OPCML: variants seen among roughly 807,000 people sequenced by gnomAD.
OPCML encodes opioid-binding protein/cell adhesion molecule.
In OPCML, 13 loss-of-function variants were observed where a neutral mutation model predicts 37.8. The ratio of observed to expected loss-of-function variants is 0.34; its 90% confidence interval spans 0.22 to 0.55. OPCML has a LOEUF of 0.55. Among genes scored for constraint, OPCML ranks in the 20% least tolerant of loss-of-function variants. OPCML has a pLI of 0.91. For synonymous variants in OPCML, 176 were observed against 168.8 expected (o/e 1.04, Z -0.33); for missense variants, 341 against 435.6 (o/e 0.78, Z 1.93).
At chr11:132,435,177 G>C (rs1435916224) in intron 7 of OPCML, 1 of 1,289,612 alleles carries the variant, frequency 7.8e-7, no homozygotes, top group South Asian at 1.2e-5. Context: ...GCTGATGAGG[G>C]GCTTATTTCT....
chr11:132,476,286 T>A lies in OPCML; in HGVS notation c.506-38927A>T, dbSNP rs1026710541. Among the ~76,000 whole-genome samples, 3 of 152,096 alleles carry A rather than the reference T, an allele frequency of 2.0e-5. No homozygotes were observed. In the East Asian group the frequency reaches 5.8e-4, roughly 29 times the overall value. On this transcript the variant is annotated intron_variant, in intron 4 of 7. Transcript: ENST00000524381. Reference sequence around the variant, plus strand: ...CCACTGTGGAAGTCAGTGTGGCGATTCCTCAGGGATCTAGAACTAGAAATA... The same window carrying A: ...CCACTGTGGAAGTCAGTGTGGCGATACCTCAGGGATCTAGAACTAGAAATA...
chr11:133,148,150 T>A (rs1421993508), intron 1 of OPCML, among the ~76,000 whole-genome samples: 1 of 152,048 alleles, frequency 6.6e-6, no homozygotes. Flanking sequence ...AATCCAGAGG[T>A]CTCATTTCCC....
intron 2 of OPCML, among the ~76,000 whole-genome samples, chr11:132,790,090 GA>G (rs1381667002): frequency 6.6e-6 from 1 of 152,156 alleles, no homozygotes; most frequent in Admixed American, 6.6e-5. Flanking sequence ...CCCATTACTG[GA>G]TATTTATCCA....
chr11:132,681,947 T>C (rs1156874976), intron 2 of OPCML, among the ~76,000 whole-genome samples: 1 of 149,182 alleles, frequency 6.7e-6, no homozygotes, highest in Admixed American at 6.7e-5. Flanking sequence ...AGAGAGAGAT[T>C]CCGTCTCAAA....
At chr11:133,315,896 T>C (rs1338860507) in intron 1 of OPCML, among the ~76,000 whole-genome samples, 2 of 152,182 alleles carry the variant, frequency 1.3e-5, no homozygotes, top group Non-Finnish European at 2.9e-5. Flanking sequence ...ATTCGACAAA[T>C]GTTGTGAGTT....
intron 1 of OPCML, among the ~76,000 whole-genome samples, chr11:133,073,088 A>G (rs1462745796): frequency 1.3e-5 from 2 of 152,220 alleles, no homozygotes; most frequent in African/African-American, 4.8e-5. Flanking sequence ...CTGAGGAACC[A>G]GGTACGATAC....
chr11:132,449,120 T>C (rs1208206297), intron 4 of OPCML, among the ~76,000 whole-genome samples: 1 of 152,154 alleles, frequency 6.6e-6, no homozygotes, highest in Admixed American at 6.5e-5. Flanking sequence ...TTATTTGAGG[T>C]CTTGACAGTC....
At chr11:133,449,514 A>G (rs905719592) in intron 1 of OPCML, among the ~76,000 whole-genome samples, 6 of 152,218 alleles carry the variant, frequency 3.9e-5, no homozygotes, top group Admixed American at 6.5e-5. Flanking sequence ...TAGGACAAAC[A>G]TTTGTTCCCT....
At chr11:133,209,579 A>G (rs914465047) in intron 1 of OPCML, among the ~76,000 whole-genome samples, 2 of 152,172 alleles carry the variant, frequency 1.3e-5, no homozygotes, top group Non-Finnish European at 2.9e-5. Flanking sequence ...TTGACTTTGG[A>G]TATGTCTGCT....
At chr11:132,694,338 A>G (rs757038659) in intron 2 of OPCML, among the ~76,000 whole-genome samples, 1 of 151,768 alleles carries the variant, frequency 6.6e-6, no homozygotes, top group Non-Finnish European at 1.5e-5. Context: ...AGCTGGGACT[A>G]CTGGTGCGTG....
chr11:133,104,778 C>T (rs765454910), intron 1 of OPCML, among the ~76,000 whole-genome samples: 5 of 152,140 alleles, frequency 3.3e-5, no homozygotes, highest in Non-Finnish European at 7.3e-5. Flanking sequence ...CACTTTCCTT[C>T]AGATTGTTGA....
At chr11:133,107,810 G>C (rs1448941623) in intron 1 of OPCML, among the ~76,000 whole-genome samples, 2 of 152,278 alleles carry the variant, frequency 1.3e-5, no homozygotes, top group East Asian at 3.9e-4. Context: ...CAAATGTTCT[G>C]TAACAACTCA....
intron 1 of OPCML, among the ~76,000 whole-genome samples, chr11:133,531,761 G>GAGAGAGAGAGAGAAAAGAAAC (rs1948609707): frequency 6.6e-6 from 1 of 150,842 alleles, no homozygotes; most frequent in Non-Finnish European, 1.5e-5. Context: ...GAGAGAGAGA[G>GAGAGAGAGAGAGAAAAGAAAC]AGAGAGAGAG....
chr11:133,210,132 T>C (rs1939293004), intron 1 of OPCML, among the ~76,000 whole-genome samples: 1 of 152,194 alleles, frequency 6.6e-6, no homozygotes, highest in Non-Finnish European at 1.5e-5. Context: ...CGTGCCTCAT[T>C]TGGCTGGGCT....
chr11:132,694,900 T>TAAG (rs1555175647), intron 2 of OPCML, among the ~76,000 whole-genome samples: 2 of 151,556 alleles, frequency 1.3e-5, no homozygotes, highest in African/African-American at 4.8e-5. Flanking sequence ...TGGCAAGACT[T>TAAG]AGAAACTATA....
chr11:133,396,150 G>A (rs1945281586), intron 1 of OPCML, among the ~76,000 whole-genome samples: 1 of 145,814 alleles, frequency 6.9e-6, no homozygotes, highest in Admixed American at 6.9e-5. Flanking sequence ...ACTATAAATA[G>A]GATTACTTTT....
intron 2 of OPCML, among the ~76,000 whole-genome samples, chr11:132,743,725 G>T (rs1375830172): frequency 6.6e-6 from 1 of 152,144 alleles, no homozygotes; most frequent in Non-Finnish European, 1.5e-5. Flanking sequence ...CTCAGAACAG[G>T]GGGATGTCTT....
At position 132,444,057 on chromosome 11, in the gene OPCML, G is replaced by A. The variant is rs149126368; in HGVS notation, c.506-6698C>T. On this transcript the variant is annotated intron_variant, in intron 4 of 7. Transcript: ENST00000524381. The stretch of plus-strand genomic sequence containing the variant: ...TCAGTCACAGGCTCAAAGTGGACCC[G>A]AGAGTATGAGCTGTGTCGCAATGCA... 1.2e-3 allele frequency among the ~76,000 whole-genome samples: 189 copies of A among 152,314 alleles called. 1 individual carries two copies. The highest frequency in any genetic ancestry group is 4.2e-3 in the African/African-American group (174 of 41,582).
At chr11:132,601,855 C>G (rs1342585555) in intron 3 of OPCML, among the ~76,000 whole-genome samples, 4 of 152,112 alleles carry the variant, frequency 2.6e-5, no homozygotes, top group African/African-American at 9.7e-5. Context: ...AAAAGGAAAA[C>G]TATAAGAGGC....
Sources: gnomAD v4.1 joint callset for allele counts (sites outside exome capture counted in the v4.1 genomes callset) on GRCh38, gnomAD v4.1.1 for gene constraint, MANE v1.5 for transcripts, NCBI Gene and HGNC (gene_info 2026-07-23, HGNC 2026-07-21) for gene names.